The following NCS1 variants were observed in gnomAD, a reference collection of about 807,000 sequenced individuals.
NCS1 encodes the protein neuronal calcium sensor 1.
NCS1 carries 6 observed loss-of-function variants against 28.4 expected under a neutral mutation model. The observed-to-expected ratio is 0.21, with a 90% CI of 0.12 to 0.42. The LOEUF (loss-of-function observed/expected upper bound fraction) is 0.42, where lower values mean the gene tolerates loss of function less well. Ranked by LOEUF, NCS1 falls within the 10% of genes least tolerant of loss-of-function variation. The pLI is 1.00. For synonymous variants in NCS1, 86 were observed against 99.3 expected (o/e 0.87, Z 0.79); for missense variants, 131 against 241.4 (o/e 0.54, Z 3.03).
intron 7 of NCS1, among the ~76,000 whole-genome samples, chr9:130,231,129 T>C (rs1833496044): frequency 6.6e-6 from 1 of 152,094 alleles, no homozygotes; most frequent in Non-Finnish European, 1.5e-5. Context: ...GCTGTGTGGA[T>C]CACTTGAGCC....
At chr9:130,221,409 TATATAGAGAGAG>T (rs1240782856) in intron 4 of NCS1, among the ~76,000 whole-genome samples, 102 of 46,052 alleles carry the variant, frequency 2.2e-3, no homozygotes, top group East Asian at 7.0e-3. Flanking sequence ...TATATATATA[TATATAGAGAGAG>T]AGAGAGAGAG....
chr9:130,185,014 C>T (rs896234967), intron 1 of NCS1, among the ~76,000 whole-genome samples: 4 of 152,144 alleles, frequency 2.6e-5, no homozygotes, highest in African/African-American at 9.7e-5. Context: ...TAAGCCACCG[C>T]GCCCGGCCAT....
In NCS1 at chr9:130,232,654, C is replaced by T. The variant is rs1458594423; in HGVS notation, c.*18-336C>T. The stretch of plus-strand genomic sequence containing the variant: ...AAAAGAAATTAGCCAGGCATGGTGG[C>T]GGGCGCCTGTAATCCCAGCTACTTG... On this transcript the variant is annotated intron_variant, in intron 7 of 7. Coordinates refer to ENST00000372398, the MANE Select transcript of NCS1 (RefSeq NM_014286.4). The surrounding 1 kb of genome is among the most constrained non-coding windows in gnomAD (Gnocchi z 4.4). Among the ~76,000 whole-genome samples the T allele has an allele frequency of 6.6e-6, 1 of 152,030 alleles. No individual in the cohort carries two copies. Among genetic ancestry groups the T allele is most frequent in the East Asian group, 1.9e-4 (1 of 5,180 alleles).
chr9:130,224,335 T>C lies in NCS1; in HGVS notation c.474+1176T>C, dbSNP rs1323821037. 2.7e-4 allele frequency among the ~76,000 whole-genome samples: 34 copies of C among 126,326 alleles called. No homozygotes were observed. In the East Asian group the frequency reaches 7.0e-3, roughly 26 times the overall value. The allele number at this position is 126,326 out of a possible 152,430, so 82.9% of individuals were successfully genotyped here. A position where few individuals can be genotyped will look rare whatever the true frequency, so the allele number is the denominator to read the frequency against. On this transcript the variant is annotated intron_variant, in intron 6 of 7. Transcript: ENST00000372398. ...AAAATCCGGGAGGCAGCAGTTGCAG[T>C]GAGTGGAGATCGCGCCATTGCACTC...
chr9:130,217,992 C>A, intron 3 of NCS1, 22 bp downstream of exon 3: 1 of 1,613,892 alleles, frequency 6.2e-7, no homozygotes, highest in Non-Finnish European at 8.5e-7. Flanking sequence ...ATTGATGGGG[C>A]CTGCGGCAGC....
chr9:130,210,467 A>G (rs1366639388), intron 2 of NCS1, among the ~76,000 whole-genome samples: 1 of 151,420 alleles, frequency 6.6e-6, no homozygotes, highest in Non-Finnish European at 1.5e-5. Flanking sequence ...TCGGGAGGGT[A>G]TTGTGGAACC....
chr9:130,208,877 T>C (rs1325430355), intron 2 of NCS1, among the ~76,000 whole-genome samples: 2 of 145,202 alleles, frequency 1.4e-5, no homozygotes, highest in African/African-American at 2.7e-5. Context: ...CACACAGCTC[T>C]GTGTGTGTGT....
chr9:130,183,383 C>T (rs1273338077), intron 1 of NCS1, among the ~76,000 whole-genome samples: 1 of 152,192 alleles, frequency 6.6e-6, no homozygotes, highest in South Asian at 2.1e-4. Flanking sequence ...CGAGGGGGCC[C>T]CAGGAAGCTG....
intron 1 of NCS1, among the ~76,000 whole-genome samples, chr9:130,179,362 T>C (rs1289216210): frequency 6.6e-6 from 1 of 152,216 alleles, no homozygotes; most frequent in Non-Finnish European, 1.5e-5. Context: ...TTTTTCATGG[T>C]GCATCATATG....
At chr9:130,216,107 T>C (rs1289290210) in intron 2 of NCS1, among the ~76,000 whole-genome samples, 1 of 152,148 alleles carries the variant, frequency 6.6e-6, no homozygotes, top group Non-Finnish European at 1.5e-5. Context: ...TCCAGCCCCT[T>C]AGATTCCTCT....
rs1201938992 is a variant in NCS1, at chr9:130,193,609, G to A, written c.65-7349G>A. ...GAGCCTGAGGGGCCTCTGGGCCATC[G>A]GTGAGGAGCTTGGACGGGGGTGGGG... On this transcript the variant is annotated intron_variant, in intron 1 of 7. Coordinates refer to ENST00000372398, the MANE Select transcript of NCS1 (RefSeq NM_014286.4). 3.9e-5 allele frequency among the ~76,000 whole-genome samples: 6 copies of A among 152,222 alleles called. No homozygotes were observed. The South Asian group carries it at 1.0e-3, about 26-fold the overall frequency.
chr9:130,209,474 G>A lies in NCS1; in HGVS notation c.90-8358G>A, dbSNP rs1331437574. On this transcript the variant is annotated intron_variant, in intron 2 of 7. Coordinates refer to ENST00000372398, the MANE Select transcript of NCS1 (RefSeq NM_014286.4). The surrounding 1 kb of genome is among the most constrained non-coding windows in gnomAD (Gnocchi z 4.4). ...GTGTCCTGGGAGCATTCAATCATTG[G>A]TTCATTTGTTCACTGATTCATTCAG... Among the ~76,000 whole-genome samples the A allele has an allele frequency of 6.6e-6, 1 of 152,196 alleles. No individual in the cohort carries two copies. The highest frequency in any genetic ancestry group is 1.5e-5 in the Non-Finnish European group (1 of 68,038).
rs782255693 is a variant in NCS1, at chr9:130,172,642, G to T, written c.-22G>T. On this transcript the variant is annotated 5_prime_UTR_variant, in exon 1 of 8. Transcript: ENST00000372398. Reference sequence around the variant, plus strand: ...CCCCAACCGGGTCCGGCCCGGGGGGGCGGGGGCCGCGGCCGCCGAGGATGG... The same window carrying T: ...CCCCAACCGGGTCCGGCCCGGGGGGTCGGGGGCCGCGGCCGCCGAGGATGG... 5 of 1,430,386 alleles carry T rather than the reference G, an allele frequency of 3.5e-6. No individual in the cohort carries two copies. The highest frequency in any genetic ancestry group is 4.6e-6 in the Non-Finnish European group (5 of 1,076,306). The allele number at this position is 1,430,386 out of a possible 1,614,324, so 88.6% of individuals were successfully genotyped here. A position where few individuals can be genotyped will look rare whatever the true frequency, so the allele number is the denominator to read the frequency against.
chr9:130,222,378 C>G (rs1833343013), intron 4 of NCS1, among the ~76,000 whole-genome samples: 1 of 152,084 alleles, frequency 6.6e-6, no homozygotes, highest in South Asian at 2.1e-4. Context: ...GTCTCGAACT[C>G]CTGGGCTCAA....
intron 2 of NCS1, among the ~76,000 whole-genome samples, chr9:130,206,034 A>G (rs1554908042): frequency 6.6e-6 from 1 of 152,072 alleles, no homozygotes; most frequent in African/African-American, 2.4e-5. Context: ...CAATGGTCCC[A>G]TCCCCTCAGG....
At chr9:130,210,150 C>T (rs912514054) in intron 2 of NCS1, among the ~76,000 whole-genome samples, 19 of 152,030 alleles carry the variant, frequency 1.2e-4, no homozygotes, top group African/African-American at 4.6e-4. Flanking sequence ...CCTGTAATCC[C>T]AGCATTTTGG....
At chr9:130,221,413 TAGAG>T (rs782666520) in intron 4 of NCS1, among the ~76,000 whole-genome samples, 39 of 57,716 alleles carry the variant, frequency 6.8e-4, no homozygotes, top group South Asian at 2.1e-3. Flanking sequence ...TATATATATA[TAGAG>T]AGAGAGAGAG....
chr9:130,190,032 AAGAGAGAGAG>A lies in NCS1; in HGVS notation c.65-10902_65-10893del, dbSNP rs34529294. Among the ~76,000 whole-genome samples the A allele has an allele frequency of 1.4e-4, 17 of 120,506 alleles. 1 individual carries two copies. Among genetic ancestry groups the A allele is most frequent in the South Asian group, 8.8e-4 (3 of 3,402 alleles). 79.1% of individuals were successfully genotyped at this position (120,506 alleles called of 152,430 possible). A position where few individuals can be genotyped will look rare whatever the true frequency, so the allele number is the denominator to read the frequency against. On this transcript the variant is annotated intron_variant, in intron 1 of 7. Transcript: ENST00000372398. Reference sequence around the variant, plus strand: ...GGGGGTAGTTCTTGTATGTTTATGCAAGAGAGAGAGAGAGAGAGAGAGAGAGAGAGAGAAT... The same window carrying A: ...GGGGGTAGTTCTTGTATGTTTATGCAAGAGAGAGAGAGAGAGAGAGAGAAT...
chr9:130,210,346 T>C (rs1447211883), intron 2 of NCS1, among the ~76,000 whole-genome samples: 6 of 146,298 alleles, frequency 4.1e-5, no homozygotes, highest in African/African-American at 1.5e-4. Context: ...TTGCAGTGAG[T>C]GTAGATCGTG....
Sources: gnomAD v4.1 joint callset for allele counts (sites outside exome capture counted in the v4.1 genomes callset) on GRCh38, gnomAD v4.1.1 for gene constraint, Gnocchi (gnomAD v3.1) non-coding constraint, MANE v1.5 for transcripts, NCBI Gene and HGNC (gene_info 2026-07-23, HGNC 2026-07-21) for gene names.